The following ADK variants were observed in gnomAD, a reference collection of about 807,000 sequenced individuals.
The protein encoded by ADK is adenosine kinase, also known as N6,N6-dimethyladenosine kinase.
A neutral mutation model predicts 44.7 loss-of-function variants in ADK; 24 were observed. The observed-to-expected ratio is 0.54, with a 90% CI of 0.39 to 0.76. ADK has a LOEUF of 0.76. Ranked by LOEUF, ADK falls within the 30% of genes least tolerant of loss-of-function variation. ADK has a pLI of 0.00. For missense variants in ADK, 321 were observed against 425.1 expected (o/e 0.76, Z 2.15); for synonymous variants, 128 against 142.6 (o/e 0.90, Z 0.73).
chr10:74,596,935 T>C (rs1851946888), intron 8 of ADK, among the ~76,000 whole-genome samples: 1 of 152,172 alleles, frequency 6.6e-6, no homozygotes, highest in Non-Finnish European at 1.5e-5. Flanking sequence ...ACTAGAGAAG[T>C]TAAGATTTAA....
chr10:74,298,535 A>C (rs924139254), intron 3 of ADK, among the ~76,000 whole-genome samples: 1 of 152,132 alleles, frequency 6.6e-6, no homozygotes, highest in Non-Finnish European at 1.5e-5. Flanking sequence ...AGAGGATCAC[A>C]TGAGCCCAGG....
At chr10:74,397,281 T>TA (rs1218392867) in intron 5 of ADK, among the ~76,000 whole-genome samples, 1 of 151,512 alleles carries the variant, frequency 6.6e-6, no homozygotes, top group East Asian at 1.9e-4. Context: ...TGAGTGGAAA[T>TA]ACGTTTTGGA....
chr10:74,525,168 T>C (rs1289810698), intron 6 of ADK, 88 bp from the exon 7 acceptor site: 2 of 1,269,476 alleles, frequency 1.6e-6, no homozygotes, highest in Non-Finnish European at 2.3e-6. Context: ...TTATATACTT[T>C]TGTATTTTGT....
chr10:74,520,840 T>C (rs1423000548), intron 6 of ADK, among the ~76,000 whole-genome samples: 1 of 152,132 alleles, frequency 6.6e-6, no homozygotes, highest in Non-Finnish European at 1.5e-5. Flanking sequence ...TTATAATGAA[T>C]ACAACAGTCC....
intron 4 of ADK, among the ~76,000 whole-genome samples, chr10:74,380,486 A>G (rs1164388596): frequency 2.6e-5 from 4 of 152,084 alleles, no homozygotes; most frequent in African/African-American, 9.7e-5. Context: ...CTCCGGGCGC[A>G]GTGGCTCACA....
rs140664419 is a variant in ADK at position 74,242,766 on chromosome 10, T to A, written c.194+18175T>A. Among the ~76,000 whole-genome samples the A allele has an allele frequency of 6.0e-4, 91 of 152,324 alleles. No homozygotes were observed. The East Asian group carries it at 0.015, about 25-fold the overall frequency. ...CCTATGGCCTGCCCCACCCGCATCCTGTGCCTGTAAAGCCCCGGACTCAGT... is the reference window on the plus strand; with the variant it reads ...CCTATGGCCTGCCCCACCCGCATCCAGTGCCTGTAAAGCCCCGGACTCAGT... On this transcript the variant is annotated intron_variant, in intron 3 of 10. Transcript: ENST00000539909.
chr10:74,265,938 T>C (rs796144878), intron 3 of ADK, among the ~76,000 whole-genome samples: 3 of 152,212 alleles, frequency 2.0e-5, no homozygotes, highest in African/African-American at 7.2e-5. Context: ...GATGATAATA[T>C]AGGTTAAGGA....
chr10:74,601,871 T>C (rs1852135399), intron 9 of ADK, among the ~76,000 whole-genome samples: 2 of 150,410 alleles, frequency 1.3e-5, no homozygotes, highest in African/African-American at 4.9e-5. Context: ...GGTGGGAGGA[T>C]TGCTTGATCC....
At chr10:74,647,992 A>G (rs1419725789) in intron 9 of ADK, among the ~76,000 whole-genome samples, 2 of 152,124 alleles carry the variant, frequency 1.3e-5, no homozygotes, top group African/African-American at 2.4e-5. Flanking sequence ...CCACACTACA[A>G]TTTATCTTCT....
At chr10:74,428,513 A>G (rs1026728732) in intron 6 of ADK, among the ~76,000 whole-genome samples, 1 of 152,244 alleles carries the variant, frequency 6.6e-6, no homozygotes. Flanking sequence ...GAAATAAAGA[A>G]CTTTATAAGA....
At chr10:74,673,184 G>A (rs994954938) in intron 10 of ADK, among the ~76,000 whole-genome samples, 1 of 152,206 alleles carries the variant, frequency 6.6e-6, no homozygotes, top group Non-Finnish European at 1.5e-5. Context: ...TGAAAGGGAA[G>A]AGAATCCAAG....
intron 9 of ADK, among the ~76,000 whole-genome samples, chr10:74,606,539 G>A (rs1335755100): frequency 6.6e-6 from 1 of 152,192 alleles, no homozygotes; most frequent in African/African-American, 2.4e-5. Context: ...ATGCAGTTGT[G>A]TGGTTCTGAG....
chr10:74,379,467 C>T (rs571944858), intron 4 of ADK, among the ~76,000 whole-genome samples: 1 of 152,312 alleles, frequency 6.6e-6, no homozygotes, highest in East Asian at 1.9e-4. Context: ...TAAAATCCTT[C>T]AGTGACATAC....
chr10:74,329,106 CAAA>C (rs138730631), intron 4 of ADK, among the ~76,000 whole-genome samples: 3,791 of 82,066 alleles, frequency 0.046, 45 homozygotes, highest in South Asian at 0.078. Flanking sequence ...TCTGTGCAGG[CAAA>C]AAAAAAAAAA....
chr10:74,372,307 A>G, intron 4 of ADK: 3 of 757,774 alleles, frequency 4.0e-6, no homozygotes, highest in East Asian at 2.4e-5. Flanking sequence ...GCGCCTATTC[A>G]TCAGTTCCCT....
chr10:74,446,571 A>G (rs1845594501), intron 6 of ADK, among the ~76,000 whole-genome samples: 1 of 152,166 alleles, frequency 6.6e-6, no homozygotes, highest in African/African-American at 2.4e-5. Context: ...TTTAAGAAGT[A>G]TTGTGATATA....
intron 2 of ADK, among the ~76,000 whole-genome samples, chr10:74,217,704 C>T (rs1190871476): frequency 5.9e-5 from 9 of 152,142 alleles, no homozygotes; most frequent in Admixed American, 4.6e-4. Context: ...CAGCAGCATT[C>T]GCGGTTCACG....
chr10:74,702,524 T>TGTCC lies in ADK; in HGVS notation c.965-5797_965-5796insGTCC, dbSNP rs748700137. ...TTGCTCAGTCTGTCTTCCTTCCTTC[T>TGTCC]TTCCTTCCTTCCTTCCTTCCTTCCT... On this transcript the variant is annotated intron_variant, in intron 10 of 10. Transcript: ENST00000539909. 6.5e-4 allele frequency among the ~76,000 whole-genome samples: 78 copies of TGTCC among 120,886 alleles called. No homozygotes were observed. The East Asian group carries it at 8.6e-3, about 13-fold the overall frequency. The allele number at this position is 120,886 out of a possible 152,430, so 79.3% of individuals were successfully genotyped here.
chr10:74,420,519 C>T (rs1017548405), intron 6 of ADK, among the ~76,000 whole-genome samples: 1 of 151,640 alleles, frequency 6.6e-6, no homozygotes, highest in Non-Finnish European at 1.5e-5. Flanking sequence ...TTATTTTAAA[C>T]AATTAAAAAT....
Sources: gnomAD v4.1 joint callset for allele counts (sites outside exome capture counted in the v4.1 genomes callset) on GRCh38, gnomAD v4.1.1 for gene constraint, MANE v1.5 for transcripts, NCBI Gene and HGNC (gene_info 2026-07-23, HGNC 2026-07-21) for gene names.